The following MAD1L1 variants were observed in gnomAD, a reference collection of about 807,000 sequenced individuals.
MAD1L1 encodes the protein mitotic spindle assembly checkpoint protein MAD1.
A neutral mutation model predicts 96.9 loss-of-function variants in MAD1L1; 95 were observed. The ratio of observed to expected loss-of-function variants is 0.98; its 90% CI spans 0.83 to 1.16. MAD1L1 has a LOEUF of 1.16. Among genes scored for constraint, MAD1L1 ranks in the 50% most tolerant of loss-of-function variants. MAD1L1 has a pLI of 0.00. For synonymous variants in MAD1L1, 473 were observed against 396.6 expected (o/e 1.19, Z -2.29); for missense variants, 1,007 against 954.4 (o/e 1.06, Z -0.73).
rs753544643 is a variant in MAD1L1, at chr7:2,207,868, G to T, written c.986+5344C>A. On this transcript the variant is annotated intron_variant, in intron 10 of 18. Coordinates refer to ENST00000265854, the MANE Select transcript of MAD1L1 (RefSeq NM_001013836.2). ...TACTACTTGCACCTGGAATCTGAAG[G>T]GGGCACAGATGTGTGGGACTGGGCC... Among the ~76,000 whole-genome samples the T allele has an allele frequency of 5.6e-4, 86 of 152,222 alleles. 1 individual carries two copies. Among genetic ancestry groups the T allele is most frequent in the Admixed American group, 3.7e-3 (56 of 15,288 alleles).
At chr7:1,834,142 A>G (rs1393744584) in intron 18 of MAD1L1, among the ~76,000 whole-genome samples, 1 of 152,224 alleles carries the variant, frequency 6.6e-6, no homozygotes, top group Non-Finnish European at 1.5e-5. Flanking sequence ...ATGAAGATAA[A>G]AACAAAATAT....
At chr7:2,169,637 G>A (rs1790609659) in intron 10 of MAD1L1, among the ~76,000 whole-genome samples, 1 of 152,236 alleles carries the variant, frequency 6.6e-6, no homozygotes, top group African/African-American at 2.4e-5. Flanking sequence ...GTTTAAAGGA[G>A]AGCAGAACAA....
chr7:2,146,351 G>A lies in MAD1L1; in HGVS notation c.1073+2801C>T, dbSNP rs1158923651. The stretch of plus-strand genomic sequence containing the variant: ...GGCACCGCCTCGAAGAGGGAGCACC[G>A]GGCACTGGGCTACGAGGAACAGGGC... On this transcript the variant is annotated intron_variant, in intron 11 of 18. Transcript: ENST00000265854. The surrounding 1 kb of genome is among the most constrained non-coding windows in gnomAD (Gnocchi z 6.2). Among the ~76,000 whole-genome samples, 1 of 150,356 alleles carries A rather than the reference G, an allele frequency of 6.7e-6. No individual in the cohort carries two copies. Among genetic ancestry groups the A allele is most frequent in the African/African-American group, 2.5e-5 (1 of 40,502 alleles).
intron 10 of MAD1L1, among the ~76,000 whole-genome samples, chr7:2,202,508 C>T (rs1044895016): frequency 1.6e-4 from 24 of 152,184 alleles, no homozygotes; most frequent in Non-Finnish European, 2.5e-4. Context: ...TCATGGTGAA[C>T]GAATGAACAA....
At chr7:1,962,525 C>A (rs755857500) in intron 15 of MAD1L1, among the ~76,000 whole-genome samples, 1 of 152,204 alleles carries the variant, frequency 6.6e-6, no homozygotes, top group South Asian at 2.1e-4. Flanking sequence ...AAGACACAGA[C>A]TGGGAGAAAA....
chr7:1,989,878 C>T (rs1343495248), intron 14 of MAD1L1, among the ~76,000 whole-genome samples: 1 of 152,252 alleles, frequency 6.6e-6, no homozygotes, highest in Non-Finnish European at 1.5e-5. Flanking sequence ...TAGCCCCAAC[C>T]TTCATGAAAC....
intron 11 of MAD1L1, among the ~76,000 whole-genome samples, chr7:2,110,930 T>A (rs756548700): frequency 3.9e-5 from 6 of 152,108 alleles, no homozygotes; most frequent in Non-Finnish European, 8.8e-5. Flanking sequence ...AAACCCTTCC[T>A]GTCCAAACAA....
intron 11 of MAD1L1, among the ~76,000 whole-genome samples, chr7:2,124,409 C>A (rs1418800239): frequency 6.6e-6 from 1 of 152,226 alleles, no homozygotes; most frequent in Non-Finnish European, 1.5e-5. Flanking sequence ...CAGGCTCCCC[C>A]AGGACAGAGA....
chr7:2,138,928 A>G (rs1321589268), intron 11 of MAD1L1, among the ~76,000 whole-genome samples: 1 of 152,222 alleles, frequency 6.6e-6, no homozygotes, highest in Admixed American at 6.5e-5. Flanking sequence ...TTGCAAAGCA[A>G]GAGTCCTGGA....
intron 15 of MAD1L1, among the ~76,000 whole-genome samples, chr7:1,976,615 G>A (rs948781151): frequency 4.6e-5 from 7 of 152,234 alleles, no homozygotes; most frequent in Admixed American, 2.6e-4. Flanking sequence ...GGACCCCAGC[G>A]GGTTGCCGCT....
At chr7:1,824,727 G>T (rs1168929969) in intron 18 of MAD1L1, among the ~76,000 whole-genome samples, 6 of 152,200 alleles carry the variant, frequency 3.9e-5, no homozygotes. Flanking sequence ...GAATACACCT[G>T]CTCTCAAAGC....
At chr7:2,030,185 G>A (rs1783159902) in intron 12 of MAD1L1, among the ~76,000 whole-genome samples, 1 of 152,230 alleles carries the variant, frequency 6.6e-6, no homozygotes, top group African/African-American at 2.4e-5. Flanking sequence ...ACAGGTGCAT[G>A]TCCGCTACGC....
chr7:2,180,282 T>C (rs1447751162), intron 10 of MAD1L1, among the ~76,000 whole-genome samples: 1 of 152,182 alleles, frequency 6.6e-6, no homozygotes, highest in African/African-American at 2.4e-5. Context: ...AAGCAGGAAA[T>C]GAGGGCAAAG....
chr7:1,842,593 C>G (rs79698194), intron 18 of MAD1L1, among the ~76,000 whole-genome samples: 3,891 of 152,384 alleles, frequency 0.026, 111 homozygotes, highest in Admixed American at 0.072. Flanking sequence ...CACCTGAGCC[C>G]CGGCGAGGGA....
Position 1,816,187 on chromosome 7 carries a change from T to C in MAD1L1, c.2040A>G (p.Thr680=), listed in dbSNP as rs201539179. ...PSGSKMQLLE[T]EFSHTVGELI... Reference sequence around the variant, plus strand: ...GCTCGCCCACGGTGTGTGAGAACTCTGTCTCCAGTAGCTGCATCTTGGAAC... The same window carrying C: ...GCTCGCCCACGGTGTGTGAGAACTCCGTCTCCAGTAGCTGCATCTTGGAAC... Residue 680 remains threonine, a synonymous_variant, in exon 19 of 19, where the codon ACA becomes ACG. Transcript: ENST00000265854. 399 of 1,613,200 alleles carry C rather than the reference T, an allele frequency of 2.5e-4. 3 individuals carry two copies. The highest frequency in any genetic ancestry group is 9.7e-4 in the Admixed American group (58 of 59,982).
At chr7:1,919,640 A>G (rs928229108) in intron 17 of MAD1L1, among the ~76,000 whole-genome samples, 1 of 152,212 alleles carries the variant, frequency 6.6e-6, no homozygotes, top group African/African-American at 2.4e-5. Flanking sequence ...CTGAGCACAC[A>G]TCATGGGCCA....
rs930097140 is a variant in MAD1L1, at chr7:1,903,343, G to A, written c.1808-4953C>T. Among the ~76,000 whole-genome samples the A allele has an allele frequency of 2.3e-4, 33 of 144,362 alleles. 1 individual carries two copies. The highest frequency in any genetic ancestry group is 1.1e-3 in the Admixed American group (16 of 14,506). 94.7% of individuals were successfully genotyped at this position (144,362 alleles called of 152,430 possible). ...AGTGGCCTACGGAAGACACTCTTGC[G>A]GAACTCATGATTGATGAAGCACTGT... On this transcript the variant is annotated intron_variant, in intron 17 of 18. Transcript: ENST00000265854.
intron 18 of MAD1L1, among the ~76,000 whole-genome samples, chr7:1,824,165 T>C (rs1378784053): frequency 4.6e-5 from 7 of 151,956 alleles, no homozygotes; most frequent in Non-Finnish European, 4.4e-5. Context: ...CAACAGACCT[T>C]CCAGATAGAC....
chr7:1,987,106 C>T (rs778946346), intron 14 of MAD1L1, among the ~76,000 whole-genome samples: 10 of 152,180 alleles, frequency 6.6e-5, no homozygotes, highest in Non-Finnish European at 1.2e-4. Flanking sequence ...GTGGAAATGC[C>T]GCCTTCCCCA....
Sources: allele counts gnomAD v4.1 joint callset (sites outside exome capture counted in the v4.1 genomes callset), GRCh38; gene constraint gnomAD v4.1.1; non-coding constraint Gnocchi (gnomAD v3.1); transcripts MANE v1.5; gene names NCBI Gene and HGNC (gene_info 2026-07-23, HGNC 2026-07-21).